PGPEP1L: variants seen among roughly 807,000 people sequenced by gnomAD.
PGPEP1L encodes pyroglutamyl-peptidase I like.
Under a neutral mutation model 6.0 loss-of-function variants are expected in PGPEP1L, and 7 were observed. The ratio of observed to expected loss-of-function variants is 1.17; its 90% CI spans 0.66 to 2.19. The LOEUF is 2.19. Ranked by LOEUF, PGPEP1L falls within the 30% of genes most tolerant of loss-of-function variation. The probability of loss-of-function intolerance (pLI) is 0.00; values close to 1 mark genes in which losing one functional copy is unlikely to be tolerated. For synonymous variants in PGPEP1L, 103 were observed against 83.9 expected, an observed-to-expected ratio of 1.23 and a Z score of -1.24; for missense variants, 209 against 192.5, an observed-to-expected ratio of 1.09 and a Z score of -0.51.
At chr15:99,001,358 A>G in intron 2 of PGPEP1L, 1 of 221,038 alleles carries the variant, frequency 4.5e-6, no homozygotes, top group South Asian at 4.8e-5. Flanking sequence ...AGGCACATCT[A>G]TAGGGACAAA....
intron 2 of PGPEP1L, among the ~76,000 whole-genome samples, chr15:98,977,753 A>G (rs1417119328): frequency 6.6e-6 from 1 of 152,184 alleles, no homozygotes; most frequent in Non-Finnish European, 1.5e-5. Flanking sequence ...TCTGTCCGTT[A>G]TTGAGAGGGG....
At chr15:99,002,534 A>C (rs2017988298) in intron 2 of PGPEP1L, among the ~76,000 whole-genome samples, 3 of 152,174 alleles carry the variant, frequency 2.0e-5, no homozygotes, top group South Asian at 4.1e-4. Context: ...GAATTATACC[A>C]ATGTCAATAT....
intron 2 of PGPEP1L, among the ~76,000 whole-genome samples, chr15:98,996,978 G>C (rs7177616): frequency 0.058 from 8,781 of 152,254 alleles, 362 homozygotes; most frequent in African/African-American, 0.12. Context: ...AGAAAATTGA[G>C]ACACAGAAAA....
At chr15:99,006,868 A>C (rs782782556) in intron 1 of PGPEP1L, among the ~76,000 whole-genome samples, 56 of 152,258 alleles carry the variant, frequency 3.7e-4, no homozygotes, top group Middle Eastern at 3.4e-3. Context: ...AAGAGGAAGA[A>C]GACCCATGAT....
intron 2 of PGPEP1L, among the ~76,000 whole-genome samples, chr15:98,999,637 C>T (rs2017932957): frequency 6.6e-6 from 1 of 152,148 alleles, no homozygotes; most frequent in Non-Finnish European, 1.5e-5. Flanking sequence ...TTCATAGAAG[C>T]TTTATTTGTA....
intron 4 of PGPEP1L, 124 bp downstream of exon 4, chr15:98,969,301 G>A (rs1490555712): frequency 1.7e-6 from 2 of 1,197,148 alleles, no homozygotes; most frequent in Admixed American, 1.8e-5. Flanking sequence ...GCAATCTGGG[G>A]GCGGCACCGC....
At chr15:98,974,941 C>A (rs1268860592) in intron 2 of PGPEP1L, among the ~76,000 whole-genome samples, 1 of 152,100 alleles carries the variant, frequency 6.6e-6, no homozygotes, top group Non-Finnish European at 1.5e-5. Context: ...AGAGATATAC[C>A]ATATTATCCA....
Position 98,995,806 on chromosome 15 carries a change from T to C in PGPEP1L, c.-142+9623A>G, listed in dbSNP as rs562712602. Reference sequence around the variant, plus strand: ...CAAAAAACCCCATATTCATTAATTGTCACTCCCCATTTCCCCCACCACCTT... The same window carrying C: ...CAAAAAACCCCATATTCATTAATTGCCACTCCCCATTTCCCCCACCACCTT... On this transcript the variant is annotated intron_variant, in intron 2 of 4. Transcript: ENST00000535714. Among the ~76,000 whole-genome samples the C allele has an allele frequency of 2.0e-5, 3 of 152,318 alleles. No individual in the cohort carries two copies. In the South Asian group the frequency reaches 6.2e-4, roughly 32 times the overall value.
At chr15:98,980,591 G>C (rs571936318) in intron 2 of PGPEP1L, among the ~76,000 whole-genome samples, 1 of 151,124 alleles carries the variant, frequency 6.6e-6, no homozygotes, top group Non-Finnish European at 1.5e-5. Flanking sequence ...GGGCTGCGCA[G>C]AGTTACTTCC....
At chr15:98,990,548 G>A (rs543014946) in intron 2 of PGPEP1L, among the ~76,000 whole-genome samples, 1 of 152,246 alleles carries the variant, frequency 6.6e-6, no homozygotes, top group African/African-American at 2.4e-5. Context: ...ATATTAAACA[G>A]ATCAATGAGA....
At chr15:98,988,264 G>A (rs1003212267) in intron 2 of PGPEP1L, among the ~76,000 whole-genome samples, 1 of 152,122 alleles carries the variant, frequency 6.6e-6, no homozygotes, top group Non-Finnish European at 1.5e-5. Flanking sequence ...CTGCAGCATA[G>A]CAGTCTGAGG....
chr15:99,004,527 G>A (rs540085729), intron 2 of PGPEP1L, among the ~76,000 whole-genome samples: 47 of 152,224 alleles, frequency 3.1e-4, no homozygotes, highest in Middle Eastern at 3.4e-3. Context: ...AAACCATCCT[G>A]GCCAACATGG....
At chr15:99,004,820 A>G (rs2018026003) in intron 2 of PGPEP1L, among the ~76,000 whole-genome samples, 3 of 151,782 alleles carry the variant, frequency 2.0e-5, no homozygotes, top group African/African-American at 7.3e-5. Flanking sequence ...GTGACTCTGG[A>G]TGTGCTGGTG....
Position 98,969,562 on chromosome 15 carries a change from G to A in PGPEP1L, c.72C>T (p.Ile24=), listed in dbSNP as rs369228449. Residue 24 remains isoleucine (I), a synonymous_variant, in exon 4 of 5, where the codon ATC becomes ATT. Transcript: ENST00000535714. ...GKNQGYRDAD[I]RSFWPEGGVC... is the part of the protein sequence containing the mutation. ...CGCCGCCCTCGGGCCAGAAGCTGCGGATGTCGGCGTCCCGGTAGCCTTGGT... is the reference window on the plus strand; with the variant it reads ...CGCCGCCCTCGGGCCAGAAGCTGCGAATGTCGGCGTCCCGGTAGCCTTGGT... 5.0e-6 allele frequency: 8 copies of A among 1,613,996 alleles called. No homozygotes were observed. Among genetic ancestry groups the A allele is most frequent in the African/African-American group, 1.3e-5 (1 of 75,078 alleles).
chr15:98,994,922 A>T (rs1397587518), intron 2 of PGPEP1L, among the ~76,000 whole-genome samples: 1 of 152,096 alleles, frequency 6.6e-6, no homozygotes, highest in Non-Finnish European at 1.5e-5. Context: ...TGAGACATTT[A>T]CTCTAATTAG....
chr15:99,006,886 C>T (rs2018076411), intron 1 of PGPEP1L, among the ~76,000 whole-genome samples: 1 of 152,154 alleles, frequency 6.6e-6, no homozygotes, highest in Admixed American at 6.5e-5. Flanking sequence ...GATTCTCTGT[C>T]CCCATCTAGG....
At chr15:98,989,759 C>T (rs1469119919) in intron 2 of PGPEP1L, among the ~76,000 whole-genome samples, 1 of 152,086 alleles carries the variant, frequency 6.6e-6, no homozygotes, top group Non-Finnish European at 1.5e-5. Flanking sequence ...CAAAGGGAAC[C>T]CTATCAGACT....
chr15:98,969,823 G>A (rs1014724453), intron 3 of PGPEP1L, among the ~76,000 whole-genome samples, 172 bp from the exon 4 acceptor site: 5 of 152,032 alleles, frequency 3.3e-5, no homozygotes, highest in African/African-American at 9.7e-5. Flanking sequence ...TAATTAATAT[G>A]GCTGGAAAGA....
intron 2 of PGPEP1L, among the ~76,000 whole-genome samples, chr15:99,003,205 A>T (rs1301365059): frequency 2.0e-5 from 1 of 50,936 alleles, no homozygotes; most frequent in Non-Finnish European, 3.2e-5. Context: ...AGTGAGATTA[A>T]AAAAAAAAAA....
Sources: gnomAD v4.1 joint callset for allele counts (sites outside exome capture counted in the v4.1 genomes callset) on GRCh38, gnomAD v4.1.1 for gene constraint, MANE v1.5 for transcripts, NCBI Gene and HGNC (gene_info 2026-07-23, HGNC 2026-07-21) for gene names.